TACC2: variants seen among roughly 807,000 people sequenced by gnomAD.
The protein encoded by TACC2 is transforming acidic coiled-coil containing protein 2, also known as transforming acidic coiled-coil-containing protein 2.
Under a neutral mutation model 227.3 loss-of-function variants are expected in TACC2, and 137 were observed. The ratio of observed to expected loss-of-function variants is 0.60; its 90% CI spans 0.52 to 0.69. TACC2 has a LOEUF of 0.69. TACC2 is among the 30% of genes least tolerant of loss of function. The probability of loss-of-function intolerance (pLI) is 0.00; values close to 1 mark genes in which losing one functional copy is unlikely to be tolerated. For synonymous variants in TACC2, 1,523 were observed against 1,487.5 expected (o/e 1.02, Z -0.55); for missense variants, 3,470 against 3,694.4 (o/e 0.94, Z 1.57).
intron 5 of TACC2, among the ~76,000 whole-genome samples, chr10:122,104,797 C>T (rs1003840543): frequency 2.0e-5 from 3 of 152,190 alleles, no homozygotes; most frequent in South Asian, 2.1e-4. Flanking sequence ...GAAATCCTAA[C>T]GTGGTAACAC....
At chr10:122,197,619 T>C (rs1372604405) in intron 8 of TACC2, among the ~76,000 whole-genome samples, 1 of 152,260 alleles carries the variant, frequency 6.6e-6, no homozygotes, top group Non-Finnish European at 1.5e-5. Flanking sequence ...GAAACGTTAA[T>C]TGCTGTGGAG....
intron 11 of TACC2, 59 bp downstream of exon 11, chr10:122,216,887 G>A (rs534517363): frequency 2.7e-4 from 433 of 1,613,500 alleles, no homozygotes; most frequent in Non-Finnish European, 3.6e-4. Context: ...CTGCCCCTAG[G>A]GAGCCAAAGG....
intron 3 of TACC2, among the ~76,000 whole-genome samples, chr10:122,061,306 AG>A (rs1469820308): frequency 1.4e-5 from 2 of 147,022 alleles, no homozygotes; most frequent in African/African-American, 2.5e-5. Flanking sequence ...AAAAAAAAAA[AG>A]GAGGGAGAAA....
intron 7 of TACC2, among the ~76,000 whole-genome samples, chr10:122,145,740 A>AG (rs1160276175): frequency 3.9e-5 from 6 of 152,186 alleles, no homozygotes; most frequent in Non-Finnish European, 7.4e-5. Flanking sequence ...ATGCAGTGTT[A>AG]GGGTCAGAGA....
chr10:122,101,930 C>A (rs2082213616), intron 5 of TACC2, among the ~76,000 whole-genome samples: 1 of 151,802 alleles, frequency 6.6e-6, no homozygotes, highest in African/African-American at 2.4e-5. Context: ...CAGGTGCTTA[C>A]CCGAGGCCTG....
chr10:122,015,051 T>C (rs1375883053), intron 1 of TACC2, among the ~76,000 whole-genome samples: 3 of 138,650 alleles, frequency 2.2e-5, no homozygotes, highest in Non-Finnish European at 4.6e-5. Flanking sequence ...TGCTCTCTGG[T>C]GGACTTTGGC....
chr10:122,203,885 C>G (rs2094992173), intron 8 of TACC2, among the ~76,000 whole-genome samples: 1 of 151,992 alleles, frequency 6.6e-6, no homozygotes, highest in African/African-American at 2.4e-5. Context: ...ACTGAGTGAA[C>G]GAGACTCCGT....
chr10:122,121,461 G>T (rs900981780), intron 5 of TACC2, among the ~76,000 whole-genome samples: 2 of 152,168 alleles, frequency 1.3e-5, no homozygotes, highest in African/African-American at 4.8e-5. Context: ...GGCTTGGGCA[G>T]TCTGGCCCCG....
At position 122,180,159 on chromosome 10, in the gene TACC2, A is replaced by T. The variant is rs1053426829; in HGVS notation, c.5835-14881A>T. ...ACTCCTCATGGGTCTCAGCGAGGCC[A>T]GGTCATTGTCATTGTTACCTGCTTC... On this transcript the variant is annotated intron_variant, in intron 7 of 22. Transcript: ENST00000369005. The surrounding 1 kb of genome is among the most constrained non-coding windows in gnomAD (Gnocchi z 4.5). 2.0e-5 allele frequency among the ~76,000 whole-genome samples: 3 copies of T among 152,118 alleles called. No homozygotes were observed. The highest frequency in any genetic ancestry group is 2.9e-5 in the Non-Finnish European group (2 of 68,010).
intron 10 of TACC2, among the ~76,000 whole-genome samples, 168 bp from the exon 11 acceptor site, chr10:122,216,459 G>A (rs1202235739): frequency 6.6e-6 from 1 of 151,608 alleles, no homozygotes; most frequent in African/African-American, 2.4e-5. Flanking sequence ...AAGAATCTGT[G>A]TGTCCATCTG....
Position 122,082,973 on chromosome 10 carries a change from G to A in TACC2, c.473G>A (p.Arg158Lys). The change falls in exon 4 of 23, where the codon AGG becomes AAG. Residue 158 changes from arginine (R) to lysine (K), a missense_variant. Around this residue, in one of 10 missense-constraint regions of TACC2, gnomAD observed 405 missense variants for 389.6 expected, o/e 1.04. Transcript: ENST00000369005. ...GDIAAAFPAE[R>K]DSSTPYQEIA... ...ATCGCGGCGGCATTTCCCGCTGAGA[G>A]GGACAGCTCTACTCCATACCAAGAG... 1.9e-6 allele frequency: 3 copies of A among 1,612,918 alleles called. No individual in the cohort carries two copies. Among genetic ancestry groups the A allele is most frequent in the Non-Finnish European group, 2.5e-6 (3 of 1,180,010 alleles).
At chr10:122,094,179 C>T (rs748254575) in intron 5 of TACC2, among the ~76,000 whole-genome samples, 1 of 152,122 alleles carries the variant, frequency 6.6e-6, no homozygotes, top group Non-Finnish European at 1.5e-5. Flanking sequence ...GGAAATGCAG[C>T]CTTTATGTGT....
chr10:122,016,271 AGG>A lies in TACC2; in HGVS notation c.-45-5665_-45-5664del, dbSNP rs1291094725. 6.1e-3 allele frequency among the ~76,000 whole-genome samples: 568 copies of A among 93,382 alleles called. 5 individuals are homozygous for A. Among genetic ancestry groups the A allele is most frequent in the African/African-American group, 0.025 (532 of 21,586 alleles). The allele number at this position is 93,382 out of a possible 152,430, so 61.3% of individuals were successfully genotyped here. ...AGTGAGACCCTGTCTGAAAAAAAAA[AGG>A]AAAAAAAAAAAAAAGCCAGGCGCGG... On this transcript the variant is annotated intron_variant, in intron 1 of 22. Transcript: ENST00000369005.
At chr10:122,230,518 C>A in intron 16 of TACC2, 78 bp downstream of exon 16, 1 of 1,362,094 alleles carries the variant, frequency 7.3e-7, no homozygotes, top group Non-Finnish European at 1.0e-6. Context: ...GCTTTGCTAA[C>A]CATCCGCCAG....
In TACC2 at chr10:122,211,644, G is replaced by C; in HGVS notation, c.7219G>C (p.Ala2407Pro). The C allele has an allele frequency of 6.2e-7, 1 of 1,608,198 alleles. No individual in the cohort carries two copies. Among genetic ancestry groups the C allele is most frequent in the Non-Finnish European group, 8.5e-7 (1 of 1,177,930 alleles). The change falls in exon 9 of 23, where the codon GCC (alanine) becomes CCC (proline). Residue 2407 changes from alanine (A) to proline (P), a missense_variant. Physicochemically the swap from Ala to Pro is conservative, Grantham distance 27 (BLOSUM62 -1). Around this residue, in one of 10 missense-constraint regions of TACC2, gnomAD observed 593 missense variants for 636.6 expected, o/e 0.93. Coordinates refer to ENST00000369005, the MANE Select transcript of TACC2 (RefSeq NM_206862.4). ...SFEIPASAMEANGVDGDGLNK... is the reference protein window; with the variant it reads ...SFEIPASAMEPNGVDGDGLNK... ...TGAGATCCCAGCCAGTGCTATGGAA[G>C]CCAATGGAGTGGACGGGGATGGGCT...
intron 21 of TACC2, 151 bp downstream of exon 21, chr10:122,249,307 A>G (rs974450027): frequency 2.7e-6 from 2 of 734,944 alleles, no homozygotes; most frequent in African/African-American, 1.8e-5. Flanking sequence ...GAGAAGGCAC[A>G]CAGTTAGCAT....
At chr10:122,253,897 C>A in intron 22 of TACC2, 94 bp from the exon 23 acceptor site, 1 of 980,834 alleles carries the variant, frequency 1.0e-6, no homozygotes, top group Non-Finnish European at 1.6e-6. Context: ...GACCAAGGGG[C>A]CTGGTGGTCC....
chr10:122,128,639 G>A (rs2087357102), intron 5 of TACC2, among the ~76,000 whole-genome samples: 1 of 152,182 alleles, frequency 6.6e-6, no homozygotes, highest in African/African-American at 2.4e-5. Context: ...ATCTCTGAAA[G>A]CTTTCACTGA....
At chr10:122,073,501 G>A (rs1391380703) in intron 3 of TACC2, among the ~76,000 whole-genome samples, 1 of 152,124 alleles carries the variant, frequency 6.6e-6, no homozygotes, top group Non-Finnish European at 1.5e-5. Flanking sequence ...CCTCTCAAGG[G>A]CATCTGAAAT....
Sources: gnomAD v4.1 joint callset for allele counts (sites outside exome capture counted in the v4.1 genomes callset) on GRCh38, gnomAD v4.1.1 for gene constraint, gnomAD v4.1.1 regional missense constraint, Gnocchi (gnomAD v3.1) non-coding constraint, MANE v1.5 for transcripts, NCBI Gene and HGNC (gene_info 2026-07-23, HGNC 2026-07-21) for gene names.